The following MGAT5 variants were observed in gnomAD, a reference collection of about 807,000 sequenced individuals.
The protein encoded by MGAT5 is alpha-1,6-mannosylglycoprotein 6-beta-N-acetylglucosaminyltransferase A.
MGAT5 carries 30 observed loss-of-function variants against 94.3 expected under a neutral mutation model. The observed-to-expected ratio is 0.32, with a 90% confidence interval of 0.24 to 0.43. MGAT5 has a LOEUF of 0.43. Ranked by LOEUF, MGAT5 falls within the 20% of genes least tolerant of loss-of-function variation. The pLI is 1.00. For missense variants in MGAT5, 691 were observed against 905.5 expected (o/e 0.76, Z 3.04); for synonymous variants, 310 against 322.9 (o/e 0.96, Z 0.43).
At chr2:134,172,629 T>G (rs1284106807) in intron 1 of MGAT5, among the ~76,000 whole-genome samples, 18 of 152,102 alleles carry the variant, frequency 1.2e-4, no homozygotes, top group African/African-American at 2.2e-4. Flanking sequence ...CTCGTGATTC[T>G]CCCGCCTCGA....
intron 10 of MGAT5, among the ~76,000 whole-genome samples, chr2:134,369,594 A>T (rs1290983853): frequency 2.6e-5 from 4 of 152,252 alleles, no homozygotes; most frequent in Non-Finnish European, 5.9e-5. Context: ...TATATTATAC[A>T]TATAAAACTC....
intron 1 of MGAT5, among the ~76,000 whole-genome samples, chr2:134,185,281 A>T (rs1463109444): frequency 6.6e-6 from 1 of 152,170 alleles, no homozygotes; most frequent in Non-Finnish European, 1.5e-5. Flanking sequence ...AGAATGCTGA[A>T]GGATAAGAAC....
Position 134,403,011 on chromosome 2 carries a change from T to G in MGAT5, c.1404T>G (p.Ile468Met). 1 of 1,599,276 alleles carries G rather than the reference T, an allele frequency of 6.3e-7. No individual in the cohort carries two copies. ...FWKNKKIYLD[I>M]IHTYMEVHAT... ...AGAATAAGAAGATCTACTTGGACAT[T>G]ATTCACACATACATGGAAGTGCATG... The change falls in exon 11 of 16, where the codon ATT becomes ATG. Residue 468 changes from isoleucine to methionine, a missense_variant. By Grantham distance (10) the Ile-to-Met change is conservative (BLOSUM62 1). Around this residue, in one of 4 missense-constraint regions of MGAT5, gnomAD observed 260 missense variants for 347.0 expected, o/e 0.75. Coordinates refer to ENST00000281923, the MANE Select transcript of MGAT5 (RefSeq NM_002410.5).
At chr2:134,418,155 T>C (rs1273212989) in intron 12 of MGAT5, among the ~76,000 whole-genome samples, 1 of 152,206 alleles carries the variant, frequency 6.6e-6, no homozygotes, top group Non-Finnish European at 1.5e-5. Flanking sequence ...GATGTAATGT[T>C]ACATGGATCA....
chr2:134,405,097 A>G (rs1683257685), intron 11 of MGAT5, among the ~76,000 whole-genome samples: 1 of 152,246 alleles, frequency 6.6e-6, no homozygotes, highest in Non-Finnish European at 1.5e-5. Flanking sequence ...AAATTTTGAA[A>G]GAACCCTTAC....
intron 1 of MGAT5, among the ~76,000 whole-genome samples, chr2:134,182,681 C>T (rs531812635): frequency 8.6e-5 from 13 of 151,902 alleles, no homozygotes; most frequent in Admixed American, 5.9e-4. Flanking sequence ...CCATCACAAG[C>T]GTACTTAATC....
At chr2:134,330,143 G>C (rs1186551336) in intron 4 of MGAT5, among the ~76,000 whole-genome samples, 1 of 152,062 alleles carries the variant, frequency 6.6e-6, no homozygotes, top group Non-Finnish European at 1.5e-5. Flanking sequence ...TTTGATATAT[G>C]ACCAACTAGC....
At chr2:134,292,540 C>A (rs1685438936) in intron 2 of MGAT5, among the ~76,000 whole-genome samples, 1 of 152,168 alleles carries the variant, frequency 6.6e-6, no homozygotes, top group Non-Finnish European at 1.5e-5. Context: ...GTTCTGGTTT[C>A]TTTCTTTTTG....
intron 1 of MGAT5, among the ~76,000 whole-genome samples, chr2:134,157,754 G>A (rs573931708): frequency 8.5e-5 from 13 of 152,198 alleles, no homozygotes; most frequent in Admixed American, 7.2e-4. Flanking sequence ...TCATCTGGGG[G>A]TGATGGGAGA....
intron 1 of MGAT5, among the ~76,000 whole-genome samples, chr2:134,247,366 AAAAAAAAAC>A (rs1052309714): frequency 2.0e-5 from 3 of 147,964 alleles, no homozygotes; most frequent in South Asian, 2.1e-4. Flanking sequence ...AATTAAAAAA[AAAAAAAAAC>A]AAAAAAAAAA....
intron 11 of MGAT5, among the ~76,000 whole-genome samples, chr2:134,411,478 C>A (rs772505316): frequency 6.6e-6 from 1 of 152,196 alleles, no homozygotes; most frequent in Admixed American, 6.5e-5. Flanking sequence ...AAAATTTATT[C>A]TTTCAAAAAA....
rs3034326 is a variant in MGAT5, at chr2:134,273,622, CTGTGTGTGTG to C, written c.406+3086_406+3095del. ...ATTTATTTTCTTTAGGGGGATAGCT[CTGTGTGTGTG>C]TGTGTGTGTGTGTCTGTGTGTCTCC... On this transcript the variant is annotated intron_variant, in intron 2 of 15. Transcript: ENST00000281923. 3.3e-5 allele frequency among the ~76,000 whole-genome samples: 5 copies of C among 149,790 alleles called. No homozygotes were observed. In the South Asian group the frequency reaches 6.4e-4, roughly 19 times the overall value.
chr2:134,419,591 C>T (rs903249368), intron 12 of MGAT5, among the ~76,000 whole-genome samples: 11 of 151,760 alleles, frequency 7.2e-5, no homozygotes, highest in Non-Finnish European at 1.5e-4. Context: ...AACTATACTC[C>T]AGTAAATTTA....
At chr2:134,353,712 C>T (rs1256359685) in intron 9 of MGAT5, among the ~76,000 whole-genome samples, 1 of 152,192 alleles carries the variant, frequency 6.6e-6, no homozygotes, top group Non-Finnish European at 1.5e-5. Context: ...CCTGATGAGA[C>T]AGCAGAGCAA....
intron 1 of MGAT5, among the ~76,000 whole-genome samples, chr2:134,206,241 A>G (rs1029342045): frequency 6.6e-6 from 1 of 152,204 alleles, no homozygotes; most frequent in African/African-American, 2.4e-5. Flanking sequence ...AAGAGAAGTG[A>G]TTTCTGAAGC....
At chr2:134,356,263 C>G (rs1679732840) in intron 9 of MGAT5, among the ~76,000 whole-genome samples, 1 of 151,990 alleles carries the variant, frequency 6.6e-6, no homozygotes, top group Non-Finnish European at 1.5e-5. Flanking sequence ...ATGGGGGATT[C>G]TGGAGGTGTT....
intron 14 of MGAT5, among the ~76,000 whole-genome samples, chr2:134,431,570 C>T (rs575035488): frequency 1.2e-4 from 19 of 152,192 alleles, no homozygotes; most frequent in African/African-American, 3.9e-4. Flanking sequence ...CAAAGGGCAG[C>T]GAGGATGGAG....
chr2:134,263,937 C>A (rs1282104599), intron 1 of MGAT5, among the ~76,000 whole-genome samples: 1 of 148,204 alleles, frequency 6.7e-6, no homozygotes, highest in Non-Finnish European at 1.5e-5. Context: ...GTGATACGTA[C>A]ATGTGTGTAT....
chr2:134,378,309 T>G (rs1446140518), intron 10 of MGAT5, among the ~76,000 whole-genome samples: 1 of 152,138 alleles, frequency 6.6e-6, no homozygotes, highest in Non-Finnish European at 1.5e-5. Context: ...GCTCAGGACT[T>G]TGTGACTGGG....
Sources: allele counts gnomAD v4.1 joint callset (sites outside exome capture counted in the v4.1 genomes callset), GRCh38; gene constraint gnomAD v4.1.1; regional missense constraint gnomAD v4.1.1; transcripts MANE v1.5; gene names NCBI Gene and HGNC (gene_info 2026-07-23, HGNC 2026-07-21).